The following EYS variants were observed in gnomAD, a reference collection of about 807,000 sequenced individuals.
EYS encodes EGF-like photoreceptor maintenance factor.
Under a neutral mutation model 282.1 loss-of-function variants are expected in EYS, and 250 were observed. The observed-to-expected ratio is 0.89, with a 90% CI of 0.80 to 0.98. EYS has a LOEUF of 0.98. Ranked by LOEUF, EYS falls within the 50% of genes least tolerant of loss-of-function variation. The probability of loss-of-function intolerance (pLI) is 0.00; values close to 1 mark genes in which losing one functional copy is unlikely to be tolerated. For synonymous variants in EYS, 1,355 were observed against 1,282.9 expected (o/e 1.06, Z -1.20); for missense variants, 4,016 against 3,709.0 (o/e 1.08, Z -2.15).
intron 22 of EYS, among the ~76,000 whole-genome samples, chr6:64,789,186 C>A (rs774090208): frequency 1.2e-4 from 19 of 152,266 alleles, no homozygotes; most frequent in Non-Finnish European, 1.9e-4. Flanking sequence ...TTCTAAAATA[C>A]AAAGATGACT....
chr6:63,804,779 TG>T (rs1435414983), intron 37 of EYS, among the ~76,000 whole-genome samples: 1 of 152,218 alleles, frequency 6.6e-6, no homozygotes, highest in Non-Finnish European at 1.5e-5. Flanking sequence ...GGTTCAGACA[TG>T]ATCTAATAAA....
At chr6:64,907,513 G>C in intron 16 of EYS, among the ~76,000 whole-genome samples, 1 of 152,160 alleles carries the variant, frequency 6.6e-6, no homozygotes, top group Non-Finnish European at 1.5e-5. Context: ...TAAGAAGTGA[G>C]ATATATTGGT....
intron 36 of EYS, among the ~76,000 whole-genome samples, chr6:63,852,993 A>T (rs897088412): frequency 1.3e-5 from 2 of 152,222 alleles, no homozygotes; most frequent in African/African-American, 4.8e-5. Flanking sequence ...TCAAAATAAT[A>T]AGAGCTATTT....
At chr6:64,114,860 A>T (rs116468669) in intron 31 of EYS, among the ~76,000 whole-genome samples, 3,093 of 152,050 alleles carry the variant, frequency 0.02, 82 homozygotes, top group African/African-American at 0.061. Context: ...GGGGAGGGAG[A>T]TGCTGCTTCC....
At chr6:64,684,770 C>A in intron 22 of EYS, among the ~76,000 whole-genome samples, 2 of 149,718 alleles carry the variant, frequency 1.3e-5, no homozygotes, top group Middle Eastern at 7.2e-3. Flanking sequence ...ATCCCAAGGA[C>A]GTTAATAAAA....
intron 12 of EYS, among the ~76,000 whole-genome samples, chr6:65,132,090 A>G (rs1346965688): frequency 6.6e-6 from 1 of 151,988 alleles, no homozygotes. Context: ...CCTGTCAACC[A>G]AAAAAATTCC....
At chr6:65,543,259 C>A in intron 2 of EYS, among the ~76,000 whole-genome samples, 1 of 94,574 alleles carries the variant, frequency 1.1e-5, no homozygotes, top group East Asian at 3.5e-4. Flanking sequence ...CTGCCTCGGC[C>A]TCCCAAAATG....
chr6:65,053,983 G>T (rs1173223299), intron 13 of EYS, among the ~76,000 whole-genome samples: 7 of 151,910 alleles, frequency 4.6e-5, no homozygotes, highest in Non-Finnish European at 4.4e-5. Flanking sequence ...AACAGGCTCA[G>T]AGCGAATTTA....
intron 26 of EYS, among the ~76,000 whole-genome samples, chr6:64,452,018 G>A (rs1449345971): frequency 6.6e-6 from 1 of 152,148 alleles, no homozygotes; most frequent in Non-Finnish European, 1.5e-5. Flanking sequence ...GGGCAATCAG[G>A]CAGGAGAAGG....
chr6:63,721,175 A>C lies in EYS; in HGVS notation c.8856T>G (p.Thr2952=). The change falls in exon 43 of 43, where the codon ACT becomes ACG. Residue 2952 remains threonine, a synonymous_variant. Coordinates refer to ENST00000503581, the MANE Select transcript of EYS (RefSeq NM_001142800.2). ...CCATAAATTTTGCAGTTGAAAATGA[A>C]GTTTTGTTTTCACAATACCTTCCCA... ...GWVGRYCENK[T]SFSTAKFMGN... 1 of 1,551,640 alleles carries C rather than the reference A, an allele frequency of 6.4e-7. No homozygotes were observed.
intron 30 of EYS, among the ~76,000 whole-genome samples, chr6:64,277,058 AC>A (rs1582524017): frequency 6.6e-6 from 1 of 152,140 alleles, no homozygotes; most frequent in East Asian, 1.9e-4. Context: ...TCATTCTATG[AC>A]CATGGCTGTC....
At chr6:63,961,335 G>A (rs998860240) in intron 35 of EYS, among the ~76,000 whole-genome samples, 2 of 152,082 alleles carry the variant, frequency 1.3e-5, no homozygotes, top group Non-Finnish European at 2.9e-5. Flanking sequence ...TTCCACCATC[G>A]TGATTTGTTT....
intron 33 of EYS, among the ~76,000 whole-genome samples, chr6:64,023,820 G>C (rs137915180): frequency 6.6e-6 from 1 of 152,218 alleles, no homozygotes; most frequent in African/African-American, 2.4e-5. Context: ...CGGTGTTTGC[G>C]GGCCAGCGCG....
At chr6:64,589,373 C>A (rs181633842) in intron 26 of EYS, among the ~76,000 whole-genome samples, 8 of 152,030 alleles carry the variant, frequency 5.3e-5, no homozygotes, top group Admixed American at 1.3e-4. Flanking sequence ...TACACAGACA[C>A]AAACCACTAT....
intron 12 of EYS, among the ~76,000 whole-genome samples, chr6:65,281,324 G>T (rs1768214998): frequency 6.6e-6 from 1 of 152,010 alleles, no homozygotes; most frequent in South Asian, 2.1e-4. Context: ...ATATTCAACA[G>T]AATATTTCAG....
intron 12 of EYS, among the ~76,000 whole-genome samples, chr6:65,264,881 G>T (rs933221044): frequency 6.6e-6 from 1 of 151,412 alleles, no homozygotes; most frequent in African/African-American, 2.4e-5. Context: ...ATATATCTGT[G>T]TAGATATATC....
At chr6:64,782,914 C>T (rs1773905685) in intron 22 of EYS, among the ~76,000 whole-genome samples, 1 of 152,092 alleles carries the variant, frequency 6.6e-6, no homozygotes, top group African/African-American at 2.4e-5. Context: ...CTTGGCTTTC[C>T]ATAGTTTAAA....
chr6:64,783,781 T>G lies in EYS; in HGVS notation c.3443+29597A>C, dbSNP rs188475276. On this transcript the variant is annotated intron_variant, in intron 22 of 42. Transcript: ENST00000503581. ...AAGACTGTCAGCAAATTTCAAAGGC[T>G]TTAATCATCCAAATTTTTTTAACAT... 1.5e-3 allele frequency among the ~76,000 whole-genome samples: 225 copies of G among 152,284 alleles called. 3 individuals are homozygous for G. The highest frequency in any genetic ancestry group is 5.1e-3 in the African/African-American group (214 of 41,586).
At chr6:64,419,592 G>T (rs1774164248) in intron 28 of EYS, among the ~76,000 whole-genome samples, 1 of 152,202 alleles carries the variant, frequency 6.6e-6, no homozygotes, top group Non-Finnish European at 1.5e-5. Context: ...AAGGGACTGG[G>T]TAAATACACT....
Sources: allele counts gnomAD v4.1 joint callset (sites outside exome capture counted in the v4.1 genomes callset), GRCh38; gene constraint gnomAD v4.1.1; transcripts MANE v1.5; gene names NCBI Gene and HGNC (gene_info 2026-07-23, HGNC 2026-07-21).